Variants in PCDH15 observed in about 807,000 individuals in gnomAD.
The protein encoded by PCDH15 is protocadherin related 15, also known as protocadherin-15.
In PCDH15, 129 loss-of-function variants were observed where a neutral mutation model predicts 178.5. That is an observed-to-expected ratio of 0.72 (90% CI 0.63 to 0.84). The LOEUF is 0.84. Among genes scored for constraint, PCDH15 ranks in the 40% least tolerant of loss-of-function variants. The pLI, the probability that PCDH15 is intolerant of heterozygous loss-of-function variation, is 0.00. For missense variants in PCDH15, 2,230 were observed against 2,099.9 expected, an observed-to-expected ratio of 1.06 and a Z score of -1.21; for synonymous variants, 800 against 732.0, an observed-to-expected ratio of 1.09 and a Z score of -1.50.
intron 13 of PCDH15, among the ~76,000 whole-genome samples, chr10:54,154,594 T>C (rs2044893596): frequency 6.6e-6 from 1 of 152,192 alleles, no homozygotes; most frequent in Non-Finnish European, 1.5e-5. Flanking sequence ...AGTTCATGTT[T>C]AATATCCTCA....
At chr10:55,522,875 C>A (rs540257597) in intron 2 of PCDH15, among the ~76,000 whole-genome samples, 4 of 151,088 alleles carry the variant, frequency 2.6e-5, no homozygotes, top group South Asian at 2.1e-4. Flanking sequence ...TTTGTAGTTT[C>A]TTTGTTCTTT....
intron 3 of PCDH15, among the ~76,000 whole-genome samples, chr10:54,413,832 C>CA: frequency 6.6e-6 from 1 of 152,028 alleles, no homozygotes; most frequent in Non-Finnish European, 1.5e-5. Flanking sequence ...ACGATAATGG[C>CA]CTACAATTGC....
At chr10:54,898,077 T>C (rs1183534729) in intron 2 of PCDH15, among the ~76,000 whole-genome samples, 7 of 152,134 alleles carry the variant, frequency 4.6e-5, no homozygotes, top group Non-Finnish European at 8.8e-5. Flanking sequence ...GGTGCTGTCC[T>C]GGTGACTGTG....
intron 17 of PCDH15, among the ~76,000 whole-genome samples, chr10:54,070,980 T>A (rs2094230784): frequency 6.6e-6 from 1 of 152,162 alleles, no homozygotes; most frequent in African/African-American, 2.4e-5. Flanking sequence ...TAGTGTAAAT[T>A]CATCTATCAA....
At chr10:55,439,839 C>T (rs1839137817) in intron 2 of PCDH15, among the ~76,000 whole-genome samples, 1 of 151,508 alleles carries the variant, frequency 6.6e-6, no homozygotes, top group Non-Finnish European at 1.5e-5. Flanking sequence ...AGTGTGGAGG[C>T]AAACACTAGA....
At chr10:54,268,481 T>C (rs1484954535) in intron 8 of PCDH15, among the ~76,000 whole-genome samples, 2 of 151,742 alleles carry the variant, frequency 1.3e-5, no homozygotes, top group African/African-American at 4.8e-5. Flanking sequence ...CTATTGCAAA[T>C]ATGAAATAGC....
chr10:54,505,683 A>C (rs894642666), intron 3 of PCDH15, among the ~76,000 whole-genome samples: 1 of 152,046 alleles, frequency 6.6e-6, no homozygotes. Flanking sequence ...CGTTAGGAGA[A>C]ATACCTAATG....
At chr10:53,881,965 TTAA>T (rs377342052) in intron 26 of PCDH15, among the ~76,000 whole-genome samples, 32 of 151,290 alleles carry the variant, frequency 2.1e-4, no homozygotes, top group African/African-American at 7.5e-4. Flanking sequence ...TGGTAAAATG[TTAA>T]TATTATGAAT....
intron 3 of PCDH15, among the ~76,000 whole-genome samples, chr10:54,494,399 C>G (rs9416366): frequency 1.7e-3 from 261 of 152,172 alleles, no homozygotes; most frequent in African/African-American, 5.7e-3. Context: ...ACATTGTTGC[C>G]TCATAAATGA....
At chr10:54,298,960 G>A (rs1331573724) in intron 8 of PCDH15, among the ~76,000 whole-genome samples, 1 of 152,204 alleles carries the variant, frequency 6.6e-6, no homozygotes, top group East Asian at 1.9e-4. Context: ...GGAAAGAAAG[G>A]GAGTTCCTAA....
chr10:55,586,438 T>C (rs904155370), intron 2 of PCDH15, among the ~76,000 whole-genome samples: 6 of 152,078 alleles, frequency 3.9e-5, no homozygotes, highest in South Asian at 2.1e-4. Context: ...CTGAAACCCA[T>C]TGGATTCAAA....
intron 2 of PCDH15, among the ~76,000 whole-genome samples, chr10:55,057,794 A>C (rs11004713): frequency 6.6e-6 from 1 of 152,132 alleles, no homozygotes; most frequent in African/African-American, 2.4e-5. Flanking sequence ...CTCAAGTTGC[A>C]TTCACGAGAT....
chr10:54,167,503 C>T (rs2046352904), intron 13 of PCDH15, among the ~76,000 whole-genome samples: 1 of 152,092 alleles, frequency 6.6e-6, no homozygotes. Flanking sequence ...CCTGATTATA[C>T]ACCCACGTTT....
intron 2 of PCDH15, among the ~76,000 whole-genome samples, chr10:55,077,422 CCTTCCTTCCTTCCTTT>C (rs1017796131): frequency 1.4e-5 from 2 of 146,054 alleles, no homozygotes; most frequent in African/African-American, 2.6e-5. Flanking sequence ...TTCCTTCCTT[CCTTCCTTCCTTCCTTT>C]CTTCCTTCCT....
intron 2 of PCDH15, among the ~76,000 whole-genome samples, chr10:54,539,859 C>G (rs1442332218): frequency 6.6e-6 from 1 of 152,082 alleles, no homozygotes; most frequent in East Asian, 1.9e-4. Flanking sequence ...GAATATCTCT[C>G]AAAAACACAC....
rs724434 is a variant in PCDH15, at chr10:53,938,602, C to T, written c.3373+213G>A. On this transcript the variant is annotated intron_variant, in intron 25 of 37. Coordinates refer to ENST00000644397, the MANE Select transcript of PCDH15 (RefSeq NM_001384140.1). ...CAATATTGGATACACAATTTGAAAACGGTGTTTTATTATCTCGACATTTCA... is the reference window on the plus strand; with the variant it reads ...CAATATTGGATACACAATTTGAAAATGGTGTTTTATTATCTCGACATTTCA... Among the ~76,000 whole-genome samples, 11,060 of 152,036 alleles carry T rather than the reference C, an allele frequency of 0.073. 461 individuals carry two copies. Among genetic ancestry groups the T allele is most frequent in the East Asian group, 0.1 (528 of 5,158 alleles).
At chr10:53,979,559 C>T (rs2660195) in intron 21 of PCDH15, among the ~76,000 whole-genome samples, 60,275 of 152,058 alleles carry the variant, frequency 0.4, 15,312 homozygotes, top group East Asian at 0.74. Context: ...TAAATATCTG[C>T]TAATTTTCGC....
At chr10:55,528,481 G>GT (rs1256137946) in intron 2 of PCDH15, among the ~76,000 whole-genome samples, 1 of 151,888 alleles carries the variant, frequency 6.6e-6, no homozygotes, top group Non-Finnish European at 1.5e-5. Flanking sequence ...GCGGTGTTTG[G>GT]TTTTTTGCCC....
chr10:55,430,854 C>T (rs1052373615), intron 2 of PCDH15, among the ~76,000 whole-genome samples: 2 of 152,082 alleles, frequency 1.3e-5, no homozygotes, highest in Non-Finnish European at 2.9e-5. Context: ...TAGGAATTCA[C>T]GACTACCCAG....
Sources: gnomAD v4.1 joint callset for allele counts (sites outside exome capture counted in the v4.1 genomes callset) on GRCh38, gnomAD v4.1.1 for gene constraint, MANE v1.5 for transcripts, NCBI Gene and HGNC (gene_info 2026-07-23, HGNC 2026-07-21) for gene names.